Variants in LRRC27 observed in about 807,000 individuals in gnomAD.
LRRC27 encodes leucine-rich repeat-containing protein 27.
Under a neutral mutation model 55.0 loss-of-function variants are expected in LRRC27, and 57 were observed. That is an observed-to-expected ratio of 1.04 (90% confidence interval 0.84 to 1.29). The LOEUF is 1.29. Ranked by LOEUF, LRRC27 falls within the 50% of genes most tolerant of loss-of-function variation. The pLI is 0.00. For missense variants in LRRC27, 721 were observed against 651.5 expected, an observed-to-expected ratio of 1.11 and a Z score of -1.16; for synonymous variants, 278 against 251.9, an observed-to-expected ratio of 1.10 and a Z score of -0.98.
intron 10 of LRRC27, chr10:132,366,593 C>T (rs10870298): frequency 0.2 from 33,189 of 163,988 alleles, 3,662 homozygotes; most frequent in African/African-American, 0.29. Context: ...CCTGGATACC[C>T]GTGTCCCCAC....
intron 10 of LRRC27, chr10:132,366,420 T>G (rs1342926624): frequency 6.6e-6 from 1 of 152,612 alleles, no homozygotes; most frequent in African/African-American, 2.4e-5. Flanking sequence ...CCGCCAGTGC[T>G]GTTTATTCAC....
At chr10:132,371,828 G>A (rs978388605) in intron 10 of LRRC27, among the ~76,000 whole-genome samples, 3 of 152,220 alleles carry the variant, frequency 2.0e-5, no homozygotes, top group African/African-American at 7.2e-5. Context: ...TGGAGGCCGT[G>A]GGCCAGGGCT....
chr10:132,348,496 C>A lies in LRRC27; in HGVS notation c.926+140C>A. 1 of 1,206,072 alleles carries A rather than the reference C, an allele frequency of 8.3e-7. No individual in the cohort carries two copies. Among genetic ancestry groups the A allele is most frequent in the Non-Finnish European group, 1.2e-6 (1 of 861,908 alleles). The allele number at this position is 1,206,072 out of a possible 1,614,324, so 74.7% of individuals were successfully genotyped here. A position where few individuals can be genotyped will look rare whatever the true frequency, so the allele number is the denominator to read the frequency against. ...CGTTTACTGTGCAGTGAGTGCCGGT[C>A]CCAGGTTTAGGGTAACGGGGACCCG... is the stretch of plus-strand genomic sequence containing the variant. On this transcript the variant is annotated intron_variant, in intron 6 of 10. Coordinates refer to ENST00000368614, the MANE Select transcript of LRRC27 (RefSeq NM_030626.3). The surrounding 1 kb of genome is among the most constrained non-coding windows in gnomAD (Gnocchi z 4.2).
intron 6 of LRRC27, chr10:132,351,211 C>T (rs182530960): frequency 5.5e-6 from 1 of 182,680 alleles, no homozygotes; most frequent in South Asian, 1.1e-4. Context: ...CATCGTCCAG[C>T]CCGGGCGAGC....
At chr10:132,356,625 A>C (rs943798502) in intron 8 of LRRC27, among the ~76,000 whole-genome samples, 1 of 151,822 alleles carries the variant, frequency 6.6e-6, no homozygotes, top group Non-Finnish European at 1.5e-5. Flanking sequence ...CCGTCCCCCA[A>C]GATTGCCAGC....
intron 9 of LRRC27, among the ~76,000 whole-genome samples, chr10:132,363,678 G>A (rs922526246): frequency 6.6e-6 from 1 of 151,676 alleles, no homozygotes. Context: ...GAGCAGAAGA[G>A]ACCGTGGGGC....
intron 8 of LRRC27, among the ~76,000 whole-genome samples, chr10:132,357,938 C>T (rs1005502736): frequency 9.2e-5 from 14 of 152,160 alleles, no homozygotes; most frequent in Non-Finnish European, 1.8e-4. Context: ...TCTGCGCACC[C>T]CACAGGCCCT....
At chr10:132,358,532 AGCAGTGTGGGGAGGAGCCGAGGTGG>A (rs1281833268) in intron 8 of LRRC27, among the ~76,000 whole-genome samples, 1 of 75,840 alleles carries the variant, frequency 1.3e-5, no homozygotes, top group African/African-American at 5.8e-5. Context: ...GAGGTGGTGG[AGCAGTGTGGGGAGGAGCCGAGGTGG>A]TGGAGCAGTG....
intron 8 of LRRC27, among the ~76,000 whole-genome samples, chr10:132,360,923 C>T (rs2068584376): frequency 6.6e-6 from 1 of 152,224 alleles, no homozygotes; most frequent in African/African-American, 2.4e-5. Context: ...GTCAGCGTGG[C>T]TCTCACATGT....
At chr10:132,336,956 G>C (rs1226688288) in intron 2 of LRRC27, 1 of 637,684 alleles carries the variant, frequency 1.6e-6, no homozygotes, top group South Asian at 2.3e-5. Context: ...GCGTGTATAC[G>C]TTCATCTTCC....
chr10:132,351,672 G>C lies in LRRC27; in HGVS notation c.992G>C (p.Arg331Pro). 3 of 1,613,896 alleles carry C rather than the reference G, an allele frequency of 1.9e-6. No homozygotes were observed. ...DLLSPYQMAI[R>P]AKRLEESRAA... is the part of the protein sequence containing the mutation. ...TTGTCACCGTACCAAATGGCGATCC[G>C]AGCAAAAAGACTGGAAGAGAGCCGA... The change falls in exon 7 of 11, where the codon CGA (arginine) becomes CCA (proline). Residue 331 changes from arginine (R) to proline (P), a missense_variant. Coordinates refer to ENST00000368614, the MANE Select transcript of LRRC27 (RefSeq NM_030626.3).
chr10:132,364,481 C>A (rs74208603), intron 9 of LRRC27, among the ~76,000 whole-genome samples: 3 of 8,534 alleles, frequency 3.5e-4, no homozygotes, highest in African/African-American at 6.3e-4. Context: ...TTACACCCAC[C>A]CACACTTACA....
Position 132,375,048 on chromosome 10 carries a change from C to T in LRRC27, c.1417-18C>T, listed in dbSNP as rs774963779. ...CTGCCAGCCTTTCTAACATCTCCCC[C>T]TCCTTGTCTCCCATAAGGCCACAGA... On this transcript the variant is annotated intron_variant, in intron 10 of 10. Transcript: ENST00000368614. 1 of 1,597,936 alleles carries T rather than the reference C, an allele frequency of 6.3e-7. No individual in the cohort carries two copies. The highest frequency in any genetic ancestry group is 8.6e-7 in the Non-Finnish European group (1 of 1,169,062).
chr10:132,356,668 A>G (rs2068326082), intron 8 of LRRC27, among the ~76,000 whole-genome samples: 1 of 152,258 alleles, frequency 6.6e-6, no homozygotes, highest in Non-Finnish European at 1.5e-5. Context: ...CATCTTGAGT[A>G]CAGTCCTCTC....
In LRRC27 at chr10:132,377,351, A is replaced by C. The variant is rs953242362; in HGVS notation, c.*2109A>C. 5 of 152,072 alleles carry C rather than the reference A, an allele frequency of 3.3e-5. No individual in the cohort carries two copies. The highest frequency in any genetic ancestry group is 1.3e-4 in the Admixed American group (2 of 15,264). 9.4% of individuals were successfully genotyped at this position (152,072 alleles called of 1,614,324 possible). A position where few individuals can be genotyped will look rare whatever the true frequency, so the allele number is the denominator to read the frequency against. ...GATAGTGATCAATTTTTTTATTTAT[A>C]TCTCTTGTATTAGAGTTTTAGTAAT... On this transcript the variant is annotated 3_prime_UTR_variant, in exon 11 of 11. Coordinates refer to ENST00000368614, the MANE Select transcript of LRRC27 (RefSeq NM_030626.3).
intron 3 of LRRC27, among the ~76,000 whole-genome samples, chr10:132,341,429 T>C (rs1248383197): frequency 2.6e-5 from 4 of 152,134 alleles, no homozygotes; most frequent in Non-Finnish European, 4.4e-5. Flanking sequence ...CCAAGAAGCA[T>C]AGTACAATAA....
At chr10:132,369,921 C>T (rs2069175857) in intron 10 of LRRC27, among the ~76,000 whole-genome samples, 1 of 152,166 alleles carries the variant, frequency 6.6e-6, no homozygotes, top group Non-Finnish European at 1.5e-5. Flanking sequence ...GAGAATGACC[C>T]AGAAGGACAC....
Position 132,341,300 on chromosome 10 carries a change from G to GGCGGAGGTTGCAGTGA in LRRC27, c.342-910_342-895dup, listed in dbSNP as rs1327213246. ...GCGGGAGGATTGCTTGAGCCCAGGA[G>GGCGGAGGTTGCAGTGA]GCGGAGGTTGCAGTGAGCAGAGGTT... On this transcript the variant is annotated intron_variant, in intron 3 of 10. Coordinates refer to ENST00000368614, the MANE Select transcript of LRRC27 (RefSeq NM_030626.3). Among the ~76,000 whole-genome samples the GGCGGAGGTTGCAGTGA allele has an allele frequency of 3.3e-5, 5 of 151,714 alleles. No homozygotes were observed. In the East Asian group the frequency reaches 9.7e-4, roughly 29 times the overall value.
At chr10:132,364,591 C>T (rs1378681905) in intron 9 of LRRC27, among the ~76,000 whole-genome samples, 2 of 38,672 alleles carry the variant, frequency 5.2e-5, no homozygotes, top group African/African-American at 1.9e-4. Context: ...GGGCCCCACA[C>T]TCAGGCAGTC....
Sources: allele counts gnomAD v4.1 joint callset (sites outside exome capture counted in the v4.1 genomes callset), GRCh38; gene constraint gnomAD v4.1.1; non-coding constraint Gnocchi (gnomAD v3.1); transcripts MANE v1.5; gene names NCBI Gene and HGNC (gene_info 2026-07-23, HGNC 2026-07-21).